PCCB: variants seen among roughly 807,000 people sequenced by gnomAD.
The protein encoded by PCCB is propionyl-CoA carboxylase beta chain, mitochondrial.
Under a neutral mutation model 60.7 loss-of-function variants are expected in PCCB, and 43 were observed. The ratio of observed to expected loss-of-function variants is 0.71; its 90% CI spans 0.55 to 0.91. The LOEUF (loss-of-function observed/expected upper bound fraction) is 0.91. Among genes scored for constraint, PCCB ranks in the 40% least tolerant of loss-of-function variants. PCCB has a pLI of 0.00. For missense variants in PCCB, 766 were observed against 702.8 expected (o/e 1.09, Z -1.02); for synonymous variants, 276 against 255.9 (o/e 1.08, Z -0.75).
chr3:136,274,434 G>C (rs4678429), intron 5 of PCCB, among the ~76,000 whole-genome samples: 7,688 of 152,198 alleles, frequency 0.051, 368 homozygotes, highest in Admixed American at 0.11. Context: ...TGTTTAAGGA[G>C]GCTAAAGATA....
At chr3:136,269,973 C>T (rs1216860933) in intron 5 of PCCB, among the ~76,000 whole-genome samples, 5 of 147,382 alleles carry the variant, frequency 3.4e-5, no homozygotes, top group Non-Finnish European at 7.4e-5. Flanking sequence ...CACCATTAAG[C>T]ATGATGTTAA....
At chr3:136,323,631 A>C (rs546527542) in intron 10 of PCCB, among the ~76,000 whole-genome samples, 1 of 152,260 alleles carries the variant, frequency 6.6e-6, no homozygotes, top group East Asian at 1.9e-4. Flanking sequence ...TAAAAATACA[A>C]AAAATGAGCC....
intron 1 of PCCB, among the ~76,000 whole-genome samples, chr3:136,251,940 C>T (rs920212395): frequency 2.6e-4 from 39 of 151,918 alleles, no homozygotes; most frequent in African/African-American, 9.2e-4. Context: ...TGCCATGGTG[C>T]GATCTTGGCT....
intron 10 of PCCB, 144 bp from the exon 11 acceptor site, chr3:136,326,659 G>T: frequency 1.4e-6 from 1 of 727,700 alleles, no homozygotes. Context: ...GGAGTTTGAG[G>T]GGTCCTTGTT....
intron 1 of PCCB, among the ~76,000 whole-genome samples, chr3:136,253,694 A>G (rs1941590592): frequency 7.0e-6 from 1 of 141,856 alleles, no homozygotes; most frequent in East Asian, 2.0e-4. Context: ...TTCTTGAGAC[A>G]GGGTCTTACT....
At chr3:136,294,501 G>T (rs1333664643) in intron 7 of PCCB, among the ~76,000 whole-genome samples, 2 of 151,916 alleles carry the variant, frequency 1.3e-5, no homozygotes, top group Non-Finnish European at 2.9e-5. Flanking sequence ...TGTAGAGATG[G>T]GGTTTTACCA....
At chr3:136,257,536 AAC>A (rs1370352319) in intron 3 of PCCB, among the ~76,000 whole-genome samples, 1 of 152,210 alleles carries the variant, frequency 6.6e-6, no homozygotes, top group Non-Finnish European at 1.5e-5. Flanking sequence ...ATAGAAAACT[AAC>A]ACAGAATATG....
intron 2 of PCCB, 115 bp downstream of exon 2, chr3:136,256,090 C>A: frequency 6.9e-7 from 1 of 1,439,226 alleles, no homozygotes; most frequent in Non-Finnish European, 9.7e-7. Flanking sequence ...AGAGGCACTG[C>A]AGACATCAAG....
rs1178368856 is a variant in PCCB at position 136,275,758 on chromosome 3, G to GTATT, written c.544-8057_544-8054dup. On this transcript the variant is annotated intron_variant, in intron 5 of 14. Transcript: ENST00000251654. ...ATGATGGCTTCTTTAGATGCTGGTTGTATTTATTTATTTATTTATTTATTT... is the reference window on the plus strand; with the variant it reads ...ATGATGGCTTCTTTAGATGCTGGTTGTATTTATTTATTTATTTATTTATTTATTT... 2.5e-3 allele frequency among the ~76,000 whole-genome samples: 383 copies of GTATT among 151,830 alleles called. 4 individuals carry two copies. Among genetic ancestry groups the GTATT allele is most frequent in the African/African-American group, 8.3e-3 (345 of 41,436 alleles).
chr3:136,263,023 C>T (rs1231715888), intron 5 of PCCB, among the ~76,000 whole-genome samples: 7 of 147,120 alleles, frequency 4.8e-5, no homozygotes, highest in Non-Finnish European at 7.4e-5. Flanking sequence ...GGCCCGATCT[C>T]GGCTCACTTC....
At chr3:136,268,108 A>C (rs60098634) in intron 5 of PCCB, among the ~76,000 whole-genome samples, 16 of 125,518 alleles carry the variant, frequency 1.3e-4, no homozygotes, top group African/African-American at 5.1e-4. Flanking sequence ...ATATATATAT[A>C]TATATATATA....
chr3:136,270,802 G>A (rs965601688), intron 5 of PCCB, among the ~76,000 whole-genome samples: 5 of 152,080 alleles, frequency 3.3e-5, no homozygotes, highest in Admixed American at 6.6e-5. Context: ...CCCTGCGCCC[G>A]GCTGTTTTTT....
At chr3:136,329,241 A>AAT (rs1935447833) in intron 14 of PCCB, among the ~76,000 whole-genome samples, 2 of 152,180 alleles carry the variant, frequency 1.3e-5, no homozygotes, top group Admixed American at 1.3e-4. Flanking sequence ...GCCTGGGATC[A>AAT]CCCACACAGG....
chr3:136,298,131 C>G, intron 8 of PCCB, 59 bp downstream of exon 8: 7 of 1,607,648 alleles, frequency 4.4e-6, no homozygotes, highest in Non-Finnish European at 6.0e-6. Flanking sequence ...CTTTCTCTGC[C>G]CTGACAGGAC....
rs116094500 is a variant in PCCB, at chr3:136,286,119, C to A, written c.654+2172C>A. 9.2e-3 allele frequency among the ~76,000 whole-genome samples: 1,396 copies of A among 152,266 alleles called. 11 individuals carry two copies. Among genetic ancestry groups the A allele is most frequent in the Non-Finnish European group, 0.014 (981 of 68,018 alleles). The stretch of plus-strand genomic sequence containing the variant: ...ACTTGTAGGTAAATGGACAGAAAGA[C>A]CAAGGGACATTACAGAATTGATACA... On this transcript the variant is annotated intron_variant, in intron 6 of 14. Transcript: ENST00000251654.
chr3:136,314,284 A>G (rs573908497), intron 9 of PCCB, among the ~76,000 whole-genome samples: 8 of 152,338 alleles, frequency 5.3e-5, no homozygotes, highest in East Asian at 3.9e-4. Flanking sequence ...AAAACAATCT[A>G]TAAGTTCATA....
Position 136,298,076 on chromosome 3 carries a change from G to A in PCCB, c.884+4G>A. On this transcript the variant is annotated splice_donor_region_variant and intron_variant, in intron 8 of 14. Transcript: ENST00000251654. ...TCCGTGAGTGCCACGATCCCAGGTG[G>A]GTTGTAGGCCGGTGCACCTTCTCTC... 6.2e-7 allele frequency: 1 copy of A among 1,614,090 alleles called. No homozygotes were observed. The highest frequency in any genetic ancestry group is 8.5e-7 in the Non-Finnish European group (1 of 1,179,962).
At chr3:136,302,822 G>T (rs1484069733) in intron 9 of PCCB, among the ~76,000 whole-genome samples, 2 of 120,050 alleles carry the variant, frequency 1.7e-5, no homozygotes, top group African/African-American at 5.0e-5. Context: ...AGGGGCTCAT[G>T]CCTATAATCC....
intron 8 of PCCB, among the ~76,000 whole-genome samples, chr3:136,300,159 T>C (rs1307012019): frequency 1.5e-5 from 2 of 133,272 alleles, no homozygotes; most frequent in East Asian, 3.9e-4. Flanking sequence ...CACATACATA[T>C]ATACACATAT....
Sources: gnomAD v4.1 joint callset for allele counts (sites outside exome capture counted in the v4.1 genomes callset) on GRCh38, gnomAD v4.1.1 for gene constraint, MANE v1.5 for transcripts, NCBI Gene and HGNC (gene_info 2026-07-23, HGNC 2026-07-21) for gene names.